ENOX1: variants seen among roughly 807,000 people sequenced by gnomAD.
ENOX1 encodes the protein ecto-NOX disulfide-thiol exchanger 1.
In ENOX1, 42 loss-of-function variants were observed where a neutral mutation model predicts 82.5. That is an observed-to-expected ratio of 0.51 (90% CI 0.40 to 0.66). ENOX1 has a LOEUF of 0.66. ENOX1 is among the 30% of genes least tolerant of loss of function. The pLI, the probability that ENOX1 is intolerant of heterozygous loss-of-function variation, is 0.00. For missense variants in ENOX1, 608 were observed against 811.6 expected, an observed-to-expected ratio of 0.75 and a Z score of 3.05; for synonymous variants, 271 against 282.2, an observed-to-expected ratio of 0.96 and a Z score of 0.40.
chr13:43,214,239 G>C (rs760542897), intron 16 of ENOX1, 118 bp from the exon 17 acceptor site: 4 of 988,662 alleles, frequency 4.0e-6, no homozygotes, highest in East Asian at 2.6e-5. Context: ...CTACTGGGCT[G>C]TCAGGGGGAT....
rs761521251 is a variant in ENOX1 at position 43,265,445 on chromosome 13, T to A, written c.1564A>T (p.Thr522Ser). The change falls in exon 14 of 17, where the codon ACC becomes TCC. Residue 522 changes from threonine (T) to serine (S), a missense_variant. Physicochemically the swap from Thr to Ser is moderately conservative, Grantham distance 58 (BLOSUM62 1). Transcript: ENST00000690772. ...CCATTGGTCTCGACCAATTCCTTGG[T>A]ACCTTTTAACTGCAAATTTTAAGGA... ...LKVLQEQLKGTKELVETNGHS... is the reference protein window; with the variant it reads ...LKVLQEQLKGSKELVETNGHS... 3.1e-6 allele frequency: 5 copies of A among 1,612,300 alleles called. No homozygotes were observed. Among genetic ancestry groups the A allele is most frequent in the Admixed American group, 1.7e-5 (1 of 59,778 alleles).
chr13:43,337,530 A>G (rs777435457), intron 9 of ENOX1, among the ~76,000 whole-genome samples: 3 of 152,132 alleles, frequency 2.0e-5, no homozygotes, highest in Admixed American at 1.3e-4. Flanking sequence ...GTGGACTTCA[A>G]TTTTGGCACT....
chr13:43,470,366 G>GTATATATATGTGTATA (rs71099835), intron 3 of ENOX1, among the ~76,000 whole-genome samples: 1 of 7,192 alleles, frequency 1.4e-4, no homozygotes, highest in African/African-American at 3.2e-4. Flanking sequence ...ATATATATAC[G>GTATATATATGTGTATA]TATATATATA....
At chr13:43,533,770 G>A (rs573684937) in intron 2 of ENOX1, among the ~76,000 whole-genome samples, 13 of 152,150 alleles carry the variant, frequency 8.5e-5, no homozygotes, top group African/African-American at 3.1e-4. Flanking sequence ...CATTAAACTC[G>A]AATGGTCTCT....
Position 43,638,203 on chromosome 13 carries a change from G to C in ENOX1, c.-219+29276C>G, listed in dbSNP as rs2083484512. On this transcript the variant is annotated intron_variant, in intron 2 of 16. Transcript: ENST00000690772. ...AAATATAGGTTGGTTACTTCAGGAA[G>C]GGATAGGAATTAATTTCAAATCTAT... 2.0e-5 allele frequency among the ~76,000 whole-genome samples: 3 copies of C among 152,232 alleles called. No individual in the cohort carries two copies. In the South Asian group the frequency reaches 6.2e-4, roughly 32 times the overall value.
intron 2 of ENOX1, among the ~76,000 whole-genome samples, chr13:43,519,075 G>A (rs1472515493): frequency 6.6e-6 from 1 of 152,104 alleles, no homozygotes; most frequent in Non-Finnish European, 1.5e-5. Context: ...CAGAGAGCAT[G>A]GATAGAGAAC....
At chr13:43,739,328 G>A (rs759300760) in intron 1 of ENOX1, among the ~76,000 whole-genome samples, 1 of 152,084 alleles carries the variant, frequency 6.6e-6, no homozygotes, top group Admixed American at 6.5e-5. Flanking sequence ...CGGGCAGATT[G>A]CTTGAGTCCA....
intron 12 of ENOX1, among the ~76,000 whole-genome samples, chr13:43,279,426 T>C (rs760179371): frequency 6.6e-5 from 10 of 152,176 alleles, no homozygotes; most frequent in Non-Finnish European, 1.5e-4. Context: ...TGAGGAATTA[T>C]TGATCATTCA....
At chr13:43,315,538 A>G (rs1022262407) in intron 11 of ENOX1, among the ~76,000 whole-genome samples, 4 of 152,222 alleles carry the variant, frequency 2.6e-5, no homozygotes, top group African/African-American at 9.6e-5. Flanking sequence ...TTCAAAAAAT[A>G]TCCTGATTTT....
intron 5 of ENOX1, among the ~76,000 whole-genome samples, chr13:43,411,591 T>G (rs577595618): frequency 6.6e-6 from 1 of 152,290 alleles, no homozygotes; most frequent in Non-Finnish European, 1.5e-5. Context: ...GACAGTGCAA[T>G]CAAATGGGAT....
At chr13:43,355,743 A>G (rs1349475672) in intron 8 of ENOX1, among the ~76,000 whole-genome samples, 176 bp downstream of exon 8, 1 of 152,164 alleles carries the variant, frequency 6.6e-6, no homozygotes, top group African/African-American at 2.4e-5. Context: ...GAGACCCCCC[A>G]GCTAACCCCA....
At chr13:43,316,488 G>A (rs1382210376) in intron 11 of ENOX1, among the ~76,000 whole-genome samples, 6 of 152,214 alleles carry the variant, frequency 3.9e-5, no homozygotes, top group Admixed American at 3.9e-4. Context: ...CTTAAAGACA[G>A]TTTAGGCTCC....
At chr13:43,267,934 ATCT>A (rs1483125451) in intron 13 of ENOX1, among the ~76,000 whole-genome samples, 4 of 152,202 alleles carry the variant, frequency 2.6e-5, no homozygotes, top group East Asian at 1.9e-4. Flanking sequence ...GCTGTTTCGA[ATCT>A]TCTTCACGTT....
chr13:43,757,741 G>A lies in ENOX1; in HGVS notation c.-285+28911C>T, dbSNP rs538078854. Among the ~76,000 whole-genome samples, 4 of 152,244 alleles carry A rather than the reference G, an allele frequency of 2.6e-5. No homozygotes were observed. In the South Asian group the frequency reaches 8.3e-4, roughly 32 times the overall value. On this transcript the variant is annotated intron_variant, in intron 1 of 16. Coordinates refer to ENST00000690772, the MANE Select transcript of ENOX1 (RefSeq NM_001347969.2). ...ATGTAAAATGGTACAACTGCGGAAAGCATTTTAAAAGTTTCTTATAACACT... is the reference window on the plus strand; with the variant it reads ...ATGTAAAATGGTACAACTGCGGAAAACATTTTAAAAGTTTCTTATAACACT...
chr13:43,648,058 C>T (rs2083979490), intron 2 of ENOX1, among the ~76,000 whole-genome samples: 1 of 152,180 alleles, frequency 6.6e-6, no homozygotes, highest in Admixed American at 6.5e-5. Flanking sequence ...CCAGTGAGAA[C>T]TGTGTTGGAC....
chr13:43,623,024 T>C (rs1212532506), intron 2 of ENOX1, among the ~76,000 whole-genome samples: 1 of 151,926 alleles, frequency 6.6e-6, no homozygotes, highest in South Asian at 2.1e-4. Flanking sequence ...TCATTGCAGG[T>C]TGTCACGGAA....
chr13:43,317,728 A>G (rs1470823820), intron 11 of ENOX1, among the ~76,000 whole-genome samples: 1 of 151,696 alleles, frequency 6.6e-6, no homozygotes, highest in African/African-American at 2.4e-5. Context: ...ATTCCGGGCC[A>G]GGCGTGGTGG....
chr13:43,546,154 A>G (rs982676875), intron 2 of ENOX1: 2 of 152,306 alleles, frequency 1.3e-5, no homozygotes, highest in Non-Finnish European at 1.5e-5. Flanking sequence ...AGGAAGAGAC[A>G]AAACAGACAA....
chr13:43,323,143 A>G (rs2047910580), intron 10 of ENOX1, among the ~76,000 whole-genome samples: 1 of 152,214 alleles, frequency 6.6e-6, no homozygotes, highest in Non-Finnish European at 1.5e-5. Context: ...GTGTGATCAC[A>G]TACACACACA....
Sources: gnomAD v4.1 joint callset for allele counts (sites outside exome capture counted in the v4.1 genomes callset) on GRCh38, gnomAD v4.1.1 for gene constraint, MANE v1.5 for transcripts, NCBI Gene and HGNC (gene_info 2026-07-23, HGNC 2026-07-21) for gene names.